ADCY7: variants seen among roughly 807,000 people sequenced by gnomAD.
ADCY7 encodes adenylate cyclase type 7.
Under a neutral mutation model 120.6 loss-of-function variants are expected in ADCY7, and 72 were observed. The observed-to-expected ratio is 0.60, with a 90% CI of 0.49 to 0.73. The LOEUF is 0.73. Ranked by LOEUF, ADCY7 falls within the 30% of genes least tolerant of loss-of-function variation. ADCY7 has a pLI of 0.00. For synonymous variants in ADCY7, 661 were observed against 628.0 expected, an observed-to-expected ratio of 1.05 and a Z score of -0.78; for missense variants, 1,227 against 1,486.0, an observed-to-expected ratio of 0.83 and a Z score of 2.87.
Position 50,317,254 on chromosome 16 carries a change from A to G in ADCY7, c.*1749A>G, listed in dbSNP as rs1300098135. The G allele has an allele frequency of 6.5e-6, 1 of 152,778 alleles. No homozygotes were observed. Among genetic ancestry groups the G allele is most frequent in the Non-Finnish European group, 1.5e-5 (1 of 68,050 alleles). The allele number at this position is 152,778 out of a possible 1,614,324, so 9.5% of individuals were successfully genotyped here. A position where few individuals can be genotyped will look rare whatever the true frequency, so the allele number is the denominator to read the frequency against. On this transcript the variant is annotated 3_prime_UTR_variant, in exon 26 of 26. Transcript: ENST00000673801. The stretch of plus-strand genomic sequence containing the variant: ...TGTATAAAGGAATTTCATGGCAACA[A>G]TGCTGGTAAGGGCAATTAGCCTCGC...
intron 2 of ADCY7, among the ~76,000 whole-genome samples, chr16:50,288,825 C>G (rs1388208767): frequency 6.6e-6 from 1 of 152,086 alleles, no homozygotes; most frequent in East Asian, 1.9e-4. Flanking sequence ...AGACAAGTTT[C>G]TAATTTAAAA....
At chr16:50,279,717 G>C (rs1045246300) in intron 1 of ADCY7, 2 of 152,180 alleles carry the variant, frequency 1.3e-5, no homozygotes, top group African/African-American at 4.8e-5. Flanking sequence ...ATGCATGGAC[G>C]AACTCTCCCT....
At position 50,315,726 on chromosome 16, in the gene ADCY7, T is replaced by TGCCTG; in HGVS notation, c.*223_*227dup. ...TGCGCAGGGGAGGCCAGAAGCTCTGTGCCTGGTCTGTAACAGTTTCCAGGC... is the reference window on the plus strand; with the variant it reads ...TGCGCAGGGGAGGCCAGAAGCTCTGTGCCTGGCCTGGTCTGTAACAGTTTCCAGGC... On this transcript the variant is annotated 3_prime_UTR_variant, in exon 26 of 26. Coordinates refer to ENST00000673801, the MANE Select transcript of ADCY7 (RefSeq NM_001114.5). 1.9e-6 allele frequency: 1 copy of TGCCTG among 516,400 alleles called. No homozygotes were observed. The highest frequency in any genetic ancestry group is 2.9e-5 in the South Asian group (1 of 34,220). The allele number at this position is 516,400 out of a possible 1,614,324, so 32.0% of individuals were successfully genotyped here. A position where few individuals can be genotyped will look rare whatever the true frequency, so the allele number is the denominator to read the frequency against.
chr16:50,305,880 G>A, intron 14 of ADCY7, 31 bp downstream of exon 14: 1 of 1,609,116 alleles, frequency 6.2e-7, no homozygotes, highest in South Asian at 1.1e-5. Flanking sequence ...CCTCCGCAGA[G>A]GGACGGGGTC....
chr16:50,293,557 C>G, intron 6 of ADCY7, 55 bp downstream of exon 6: 1 of 1,584,446 alleles, frequency 6.3e-7, no homozygotes, highest in South Asian at 1.1e-5. Context: ...CACCGTTCCA[C>G]CGGCCCCCAG....
intron 8 of ADCY7, among the ~76,000 whole-genome samples, chr16:50,300,048 T>C (rs2035614851): frequency 6.6e-6 from 1 of 152,160 alleles, no homozygotes; most frequent in Non-Finnish European, 1.5e-5. Context: ...TTTTGGGTGG[T>C]TCCTGGACCC....
At chr16:50,309,767 A>G in intron 18 of ADCY7, 121 bp downstream of exon 18, 1 of 861,120 alleles carries the variant, frequency 1.2e-6, no homozygotes, top group East Asian at 2.7e-5. Context: ...GTGGAGGCTG[A>G]GAACAGCCTC....
At position 50,316,095 on chromosome 16, in the gene ADCY7, ATGTT is replaced by A. The variant is rs2036786452; in HGVS notation, c.*596_*599del. ...ACTGTTACTTTTTGCCTTGTCTGGCATGTTTGTTTTAAATGAATACATTAATGGG... is the reference window on the plus strand; with the variant it reads ...ACTGTTACTTTTTGCCTTGTCTGGCATGTTTTAAATGAATACATTAATGGG... On this transcript the variant is annotated 3_prime_UTR_variant, in exon 26 of 26. Transcript: ENST00000673801. 1 of 152,972 alleles carries A rather than the reference ATGTT, an allele frequency of 6.5e-6. No individual in the cohort carries two copies. Among genetic ancestry groups the A allele is most frequent in the East Asian group, 1.9e-4 (1 of 5,328 alleles). 9.5% of individuals were successfully genotyped at this position (152,972 alleles called of 1,614,324 possible). A position where few individuals can be genotyped will look rare whatever the true frequency, so the allele number is the denominator to read the frequency against.
chr16:50,305,379 C>G, intron 12 of ADCY7, 124 bp from the exon 13 acceptor site: 1 of 853,600 alleles, frequency 1.2e-6, no homozygotes, highest in Non-Finnish European at 1.9e-6. Context: ...TCAGTGGGAC[C>G]CACCCATTCC....
In ADCY7 at chr16:50,312,052, G is replaced by A. The variant is rs749787043; in HGVS notation, c.2465G>A (p.Arg822His). 6.2e-6 allele frequency: 10 copies of A among 1,614,082 alleles called. No individual in the cohort carries two copies. Among genetic ancestry groups the A allele is most frequent in the South Asian group, 1.1e-5 (1 of 91,092 alleles). ...TLSRQIDYYC[R>H]LDCLWKKKFK... The stretch of plus-strand genomic sequence containing the variant: ...CGTTTGCAGATTGACTATTACTGCC[G>A]CTTGGACTGCCTATGGAAGAAGAAG... The change falls in exon 21 of 26, where the codon CGC (arginine) becomes CAC (histidine). Residue 822 changes from arginine (R) to histidine (H), a missense_variant. By Grantham distance (29) the Arg-to-His change is conservative. This residue lies in a region of ADCY7 where 267 missense variants were observed against 270.0 expected (regional missense o/e 0.99). Coordinates refer to ENST00000673801, the MANE Select transcript of ADCY7 (RefSeq NM_001114.5).
At chr16:50,308,266 G>T in intron 15 of ADCY7, 61 bp from the exon 16 acceptor site, 1 of 1,613,722 alleles carries the variant, frequency 6.2e-7, no homozygotes, top group Non-Finnish European at 8.5e-7. Flanking sequence ...GAGGATTGGT[G>T]GGGGCGGTGG....
chr16:50,284,717 T>C (rs1377773715), intron 1 of ADCY7, among the ~76,000 whole-genome samples: 1 of 152,238 alleles, frequency 6.6e-6, no homozygotes, highest in East Asian at 1.9e-4. Context: ...AAGCCTGGGC[T>C]GAGGAGCCCT....
intron 14 of ADCY7, 41 bp from the exon 15 acceptor site, chr16:50,307,009 C>T (rs2036110829): frequency 2.0e-6 from 3 of 1,523,164 alleles, no homozygotes; most frequent in Non-Finnish European, 2.7e-6. Context: ...GGGCAAGTGG[C>T]ACTGCTGGTG....
intron 1 of ADCY7, among the ~76,000 whole-genome samples, chr16:50,274,832 C>T (rs112064122): frequency 1.3e-5 from 2 of 152,302 alleles, no homozygotes; most frequent in African/African-American, 4.8e-5. Context: ...CTCAGAGACC[C>T]TGGAGGCCTT....
At chr16:50,291,544 C>T (rs1296345800) in intron 3 of ADCY7, among the ~76,000 whole-genome samples, 192 bp from the exon 4 acceptor site, 2 of 152,196 alleles carry the variant, frequency 1.3e-5, no homozygotes, top group Admixed American at 6.5e-5. Flanking sequence ...AACCATGAAC[C>T]TTGTGGCCGG....
chr16:50,312,682 A>C (rs1394059458), intron 21 of ADCY7, among the ~76,000 whole-genome samples: 1 of 151,884 alleles, frequency 6.6e-6, no homozygotes, highest in Non-Finnish European at 1.5e-5. Context: ...GTGAGCAAAA[A>C]CCAACCTGAG....
At chr16:50,262,247 TCTC>T (rs1383560877), upstream of ADCY7, among the ~76,000 whole-genome samples, 1 of 151,390 alleles carries the variant, frequency 6.6e-6, no homozygotes, top group Non-Finnish European at 1.5e-5. Flanking sequence ...GCTGGGTACT[TCTC>T]CTCAGATCTC....
In ADCY7 at chr16:50,276,443, C is replaced by T. The variant is rs949997519; in HGVS notation, c.-269+9763C>T. Among the ~76,000 whole-genome samples, 5 of 152,314 alleles carry T rather than the reference C, an allele frequency of 3.3e-5. No homozygotes were observed. The South Asian group carries it at 8.3e-4, about 25-fold the overall frequency. ...ATGCCATCTAGACTGGGGCATTTTG[C>T]GCCAGGGGTGGCTCAGTACACTGCT... On this transcript the variant is annotated intron_variant, in intron 1 of 25. Transcript: ENST00000673801.
chr16:50,273,001 G>A (rs1262107333), intron 1 of ADCY7, among the ~76,000 whole-genome samples: 1 of 152,152 alleles, frequency 6.6e-6, no homozygotes, highest in East Asian at 1.9e-4. Flanking sequence ...CAGCTCTCCT[G>A]GGCATGGGTA....
Sources: gnomAD v4.1 joint callset for allele counts (sites outside exome capture counted in the v4.1 genomes callset) on GRCh38, gnomAD v4.1.1 for gene constraint, gnomAD v4.1.1 regional missense constraint, MANE v1.5 for transcripts, NCBI Gene and HGNC (gene_info 2026-07-23, HGNC 2026-07-21) for gene names.